WDR70: variants seen among roughly 807,000 people sequenced by gnomAD.
WDR70 encodes WD repeat domain 70, also known as WD repeat-containing protein 70.
In WDR70, 53 loss-of-function variants were observed where a neutral mutation model predicts 88.6. That is an observed-to-expected ratio of 0.60 (90% CI 0.48 to 0.75). The LOEUF is 0.75. Ranked by LOEUF, WDR70 falls within the 30% of genes least tolerant of loss-of-function variation. The pLI is 0.00. For missense variants in WDR70, 610 were observed against 823.2 expected (o/e 0.74, Z 3.17); for synonymous variants, 280 against 270.0 (o/e 1.04, Z -0.36).
chr5:37,587,994 C>T (rs1262224514), intron 9 of WDR70, among the ~76,000 whole-genome samples: 2 of 151,948 alleles, frequency 1.3e-5, no homozygotes, highest in Non-Finnish European at 2.9e-5. Flanking sequence ...TGGCAAAAGT[C>T]CTGTTCTATT....
chr5:37,539,748 G>A (rs1487245293), intron 9 of WDR70, among the ~76,000 whole-genome samples: 1 of 152,184 alleles, frequency 6.6e-6, no homozygotes, highest in African/African-American at 2.4e-5. Flanking sequence ...TGCCTTTGGC[G>A]AGTCTGCCTA....
At chr5:37,586,071 A>G (rs1044659154) in intron 9 of WDR70, among the ~76,000 whole-genome samples, 6 of 152,014 alleles carry the variant, frequency 3.9e-5, no homozygotes, top group Admixed American at 1.3e-4. Flanking sequence ...CTTCAAATCT[A>G]CCTTACAACC....
intron 10 of WDR70, among the ~76,000 whole-genome samples, chr5:37,695,075 G>C (rs1224261220): frequency 6.6e-6 from 1 of 152,136 alleles, no homozygotes; most frequent in Non-Finnish European, 1.5e-5. Flanking sequence ...GCTGGCATCT[G>C]GTTGGCTTGT....
At chr5:37,607,226 G>A (rs529408933) in intron 10 of WDR70, among the ~76,000 whole-genome samples, 6 of 152,004 alleles carry the variant, frequency 3.9e-5, no homozygotes, top group East Asian at 1.9e-4. Flanking sequence ...ACAGATGTGA[G>A]CCACTATGCC....
At chr5:37,531,978 T>C (rs1030715258) in intron 9 of WDR70, among the ~76,000 whole-genome samples, 8 of 152,176 alleles carry the variant, frequency 5.3e-5, no homozygotes, top group Non-Finnish European at 1.2e-4. Flanking sequence ...CTCAGCATTT[T>C]TTTATCTAGA....
intron 5 of WDR70, among the ~76,000 whole-genome samples, chr5:37,406,594 T>A (rs1308582802): frequency 6.6e-6 from 1 of 152,218 alleles, no homozygotes; most frequent in Admixed American, 6.5e-5. Flanking sequence ...ATTATGTGGA[T>A]GGATTAAATG....
At chr5:37,632,205 A>T (rs1744836956) in intron 10 of WDR70, among the ~76,000 whole-genome samples, 1 of 152,202 alleles carries the variant, frequency 6.6e-6, no homozygotes, top group Non-Finnish European at 1.5e-5. Context: ...GGTATAAACA[A>T]ACCTATTATG....
At chr5:37,504,181 C>G (rs1740486074) in intron 8 of WDR70, among the ~76,000 whole-genome samples, 1 of 152,090 alleles carries the variant, frequency 6.6e-6, no homozygotes, top group Non-Finnish European at 1.5e-5. Flanking sequence ...GTTGGAAAAA[C>G]TGACCTTTCT....
chr5:37,676,655 TTTGCATCAATG>T (rs2112605979), intron 10 of WDR70, among the ~76,000 whole-genome samples: 1 of 152,210 alleles, frequency 6.6e-6, no homozygotes, highest in African/African-American at 2.4e-5. Context: ...ATTGAGGATT[TTTGCATCAATG>T]TTCATCAAGG....
intron 6 of WDR70, among the ~76,000 whole-genome samples, chr5:37,441,463 T>C (rs1308281371): frequency 6.6e-6 from 1 of 152,174 alleles, no homozygotes; most frequent in African/African-American, 2.4e-5. Context: ...ATTATAATTA[T>C]ATTAATTACA....
chr5:37,575,917 A>G (rs1034719134), intron 9 of WDR70, among the ~76,000 whole-genome samples: 2 of 152,180 alleles, frequency 1.3e-5, no homozygotes, highest in African/African-American at 4.8e-5. Flanking sequence ...ACAGTGTCAG[A>G]ATGAAATTGA....
At chr5:37,482,884 A>G (rs1042166590) in intron 8 of WDR70, among the ~76,000 whole-genome samples, 1 of 152,074 alleles carries the variant, frequency 6.6e-6, no homozygotes, top group African/African-American at 2.4e-5. Flanking sequence ...GCTTTAGGTC[A>G]AGAAGGAGAG....
Position 37,622,248 on chromosome 5 carries a change from G to C in WDR70, c.1092+17010G>C, listed in dbSNP as rs898716403. Among the ~76,000 whole-genome samples the C allele has an allele frequency of 2.0e-5, 3 of 152,036 alleles. No homozygotes were observed. In the South Asian group the frequency reaches 6.2e-4, roughly 32 times the overall value. Reference sequence around the variant, plus strand: ...ATTAAAAAGTCAGGAAACAACAGGTGCTGGAGAGGATGTGGAGAAATAGGA... The same window carrying C: ...ATTAAAAAGTCAGGAAACAACAGGTCCTGGAGAGGATGTGGAGAAATAGGA... On this transcript the variant is annotated intron_variant, in intron 10 of 17. Transcript: ENST00000265107.
At chr5:37,652,753 G>C (rs1243848740) in intron 10 of WDR70, among the ~76,000 whole-genome samples, 1 of 152,128 alleles carries the variant, frequency 6.6e-6, no homozygotes, top group Admixed American at 6.5e-5. Flanking sequence ...TCCTTTATTG[G>C]TGTATAGGAA....
At chr5:37,732,657 C>T (rs1748181156) in intron 17 of WDR70, among the ~76,000 whole-genome samples, 1 of 152,030 alleles carries the variant, frequency 6.6e-6, no homozygotes, top group South Asian at 2.1e-4. Flanking sequence ...AACCCTGTTT[C>T]TTGTGAACTA....
At chr5:37,698,900 A>C (rs1257625775) in intron 11 of WDR70, among the ~76,000 whole-genome samples, 1 of 152,228 alleles carries the variant, frequency 6.6e-6, no homozygotes, top group Non-Finnish European at 1.5e-5. Context: ...TATTTATGAT[A>C]CACATGGCAA....
chr5:37,636,548 T>C (rs1581454216), intron 10 of WDR70, among the ~76,000 whole-genome samples: 1 of 152,324 alleles, frequency 6.6e-6, no homozygotes. Context: ...ACCTGCCAGA[T>C]ACCACCTTAA....
At chr5:37,675,501 C>T (rs963770196) in intron 10 of WDR70, among the ~76,000 whole-genome samples, 5 of 152,236 alleles carry the variant, frequency 3.3e-5, no homozygotes, top group Admixed American at 6.5e-5. Flanking sequence ...ATCCTTTCCC[C>T]ATTGCTTGTT....
Position 37,589,878 on chromosome 5 carries a change from A to G in WDR70, c.918-15186A>G, listed in dbSNP as rs72740950. Reference sequence around the variant, plus strand: ...TGGTCTTGCAGAGTGCAGGGATTACAGACGTGAGCCACCGTGCCTAACTTC... The same window carrying G: ...TGGTCTTGCAGAGTGCAGGGATTACGGACGTGAGCCACCGTGCCTAACTTC... On this transcript the variant is annotated intron_variant, in intron 9 of 17. Transcript: ENST00000265107. Among the ~76,000 whole-genome samples, 638 of 152,292 alleles carry G rather than the reference A, an allele frequency of 4.2e-3. 3 individuals carry two copies. The highest frequency in any genetic ancestry group is 6.8e-3 in the Middle Eastern group (2 of 294).
Sources: allele counts gnomAD v4.1 joint callset (sites outside exome capture counted in the v4.1 genomes callset), GRCh38; gene constraint gnomAD v4.1.1; transcripts MANE v1.5; gene names NCBI Gene and HGNC (gene_info 2026-07-23, HGNC 2026-07-21).